GMDS: variants seen among roughly 807,000 people sequenced by gnomAD.
GMDS encodes GDP-mannose 4,6 dehydratase.
GMDS carries 20 observed loss-of-function variants against 49.9 expected under a neutral mutation model. That is an observed-to-expected ratio of 0.40 (90% CI 0.28 to 0.58). GMDS has a LOEUF of 0.58. Among genes scored for constraint, GMDS ranks in the 20% least tolerant of loss-of-function variants. The pLI, the probability that GMDS is intolerant of heterozygous loss-of-function variation, is 0.42. For missense variants in GMDS, 362 were observed against 481.4 expected (o/e 0.75, Z 2.32); for synonymous variants, 177 against 178.6 (o/e 0.99, Z 0.07).
chr6:1,903,663 T>C (rs1760613441), intron 7 of GMDS, among the ~76,000 whole-genome samples: 1 of 152,246 alleles, frequency 6.6e-6, no homozygotes, highest in African/African-American at 2.4e-5. Context: ...TACATGTTCC[T>C]TCCCTTTAAA....
At chr6:1,987,348 G>T (rs1307748635) in intron 4 of GMDS, among the ~76,000 whole-genome samples, 1 of 151,916 alleles carries the variant, frequency 6.6e-6, no homozygotes, top group Non-Finnish European at 1.5e-5. Context: ...AAAATCTACT[G>T]AAAATTGCTG....
chr6:1,956,517 T>C (rs890631391), intron 6 of GMDS, among the ~76,000 whole-genome samples: 4 of 152,142 alleles, frequency 2.6e-5, no homozygotes, highest in Admixed American at 6.5e-5. Flanking sequence ...AAAAAGTATA[T>C]GGCCCCCAAA....
chr6:1,626,910 G>C (rs893959951), intron 9 of GMDS, among the ~76,000 whole-genome samples: 2 of 152,248 alleles, frequency 1.3e-5, no homozygotes, highest in Non-Finnish European at 2.9e-5. Flanking sequence ...CACTGTAAAA[G>C]TATTTCATTG....
intron 9 of GMDS, among the ~76,000 whole-genome samples, chr6:1,724,798 G>A (rs1351336241): frequency 1.3e-5 from 2 of 152,166 alleles, no homozygotes; most frequent in African/African-American, 2.4e-5. Context: ...CTGAGGGCCA[G>A]TACACATCCT....
At chr6:1,737,941 CACATACACAGATACACACAT>C in intron 8 of GMDS, among the ~76,000 whole-genome samples, 1 of 149,120 alleles carries the variant, frequency 6.7e-6, no homozygotes, top group Non-Finnish European at 1.5e-5. Flanking sequence ...ACACCACACA[CACATACACAGATACACACAT>C]ACATACACAC....
intron 4 of GMDS, among the ~76,000 whole-genome samples, chr6:2,057,685 A>ATCTCTCCAACTACC (rs1770859330): frequency 6.6e-6 from 1 of 152,240 alleles, no homozygotes; most frequent in African/African-American, 2.4e-5. Context: ...AAATTGAAGA[A>ATCTCTCCAACTACC]ATAAATGCAG....
intron 1 of GMDS, among the ~76,000 whole-genome samples, chr6:2,240,699 T>A (rs1327400618): frequency 6.6e-6 from 1 of 152,156 alleles, no homozygotes; most frequent in East Asian, 1.9e-4. Context: ...TAATGCACTT[T>A]GAACGGTACC....
intron 7 of GMDS, among the ~76,000 whole-genome samples, chr6:1,862,528 G>T (rs1758239175): frequency 4.6e-5 from 7 of 152,182 alleles, no homozygotes; most frequent in Admixed American, 4.6e-4. Context: ...CTTTGTATTA[G>T]CTAGAACAAG....
intron 7 of GMDS, among the ~76,000 whole-genome samples, chr6:1,907,240 A>G (rs1760824477): frequency 6.6e-6 from 1 of 152,194 alleles, no homozygotes; most frequent in Non-Finnish European, 1.5e-5. Flanking sequence ...ATAGACTCTG[A>G]TACTCTAAAG....
At chr6:1,860,093 T>C (rs1758113678) in intron 7 of GMDS, among the ~76,000 whole-genome samples, 1 of 152,128 alleles carries the variant, frequency 6.6e-6, no homozygotes, top group Admixed American at 6.6e-5. Context: ...CAAAACCCTA[T>C]ATAACAATGT....
intron 4 of GMDS, among the ~76,000 whole-genome samples, chr6:2,114,875 G>T (rs1774753948): frequency 6.6e-6 from 1 of 151,950 alleles, no homozygotes; most frequent in South Asian, 2.1e-4. Context: ...CAAACATGGG[G>T]ATACAGAAAA....
chr6:1,741,835 AAAG>A lies in GMDS; in HGVS notation c.890+630_890+632del, dbSNP rs1440052537. Among the ~76,000 whole-genome samples, 167 of 149,530 alleles carry A rather than the reference AAAG, an allele frequency of 1.1e-3. 1 individual carries two copies. Among genetic ancestry groups the A allele is most frequent in the African/African-American group, 3.6e-3 (146 of 40,344 alleles). ...TCAAAAAAAAAAAAAAAAAAAAAAA[AAAG>A]AAGGTGCTTATATTGAGACAAAACA... On this transcript the variant is annotated intron_variant, in intron 8 of 10. Transcript: ENST00000380815.
At chr6:2,065,810 G>A (rs932580648) in intron 4 of GMDS, among the ~76,000 whole-genome samples, 3 of 152,206 alleles carry the variant, frequency 2.0e-5, no homozygotes, top group African/African-American at 7.2e-5. Flanking sequence ...GTACCTGAAA[G>A]TCACGGGGAG....
chr6:1,657,600 T>C (rs946630503), intron 9 of GMDS, among the ~76,000 whole-genome samples: 3 of 152,128 alleles, frequency 2.0e-5, no homozygotes, highest in Non-Finnish European at 4.4e-5. Context: ...TATTAACTGG[T>C]GTTCACACGG....
At chr6:1,652,523 TATATA>T (rs1763708959) in intron 9 of GMDS, among the ~76,000 whole-genome samples, 1 of 15,246 alleles carries the variant, frequency 6.6e-5, no homozygotes, top group Non-Finnish European at 1.2e-4. Context: ...TATATATTTA[TATATA>T]ATATATATTA....
intron 4 of GMDS, among the ~76,000 whole-genome samples, chr6:2,017,197 C>CGTGG (rs1436293086): frequency 1.2e-4 from 19 of 152,036 alleles, no homozygotes; most frequent in African/African-American, 4.1e-4. Flanking sequence ...AGGAGAGGAG[C>CGTGG]GTGGACACAA....
intron 1 of GMDS, among the ~76,000 whole-genome samples, chr6:2,182,355 A>C (rs960796020): frequency 6.6e-6 from 1 of 152,254 alleles, no homozygotes; most frequent in African/African-American, 2.4e-5. Flanking sequence ...CAGAATATCT[A>C]GCCAACATAA....
chr6:1,772,024 C>T (rs371716494), intron 7 of GMDS, among the ~76,000 whole-genome samples: 13 of 152,088 alleles, frequency 8.5e-5, no homozygotes, highest in Admixed American at 4.6e-4. Flanking sequence ...GCCCTGTGAG[C>T]GGAAACCTGT....
At chr6:1,741,242 C>T (rs9405149) in intron 8 of GMDS, among the ~76,000 whole-genome samples, 13,976 of 152,120 alleles carry the variant, frequency 0.092, 723 homozygotes, top group African/African-American at 0.14. Context: ...GTATTGTTAA[C>T]CTTAGACACC....
Sources: gnomAD v4.1 joint callset for allele counts (sites outside exome capture counted in the v4.1 genomes callset) on GRCh38, gnomAD v4.1.1 for gene constraint, MANE v1.5 for transcripts, NCBI Gene and HGNC (gene_info 2026-07-23, HGNC 2026-07-21) for gene names.